The following ULK4 variants were observed in gnomAD, a reference collection of about 807,000 sequenced individuals.
ULK4 encodes inactive serine/threonine-protein kinase ULK4.
In ULK4, 133 loss-of-function variants were observed where a neutral mutation model predicts 160.6. The observed-to-expected ratio is 0.83, with a 90% confidence interval of 0.72 to 0.96. ULK4 has a LOEUF of 0.96. ULK4 is among the 40% of genes least tolerant of loss of function. The pLI, the probability that ULK4 is intolerant of heterozygous loss-of-function variation, is 0.00. For synonymous variants in ULK4, 534 were observed against 539.8 expected, an observed-to-expected ratio of 0.99 and a Z score of 0.15; for missense variants, 1,580 against 1,499.5, an observed-to-expected ratio of 1.05 and a Z score of -0.89.
intron 34 of ULK4, among the ~76,000 whole-genome samples, chr3:41,444,666 T>C (rs1018222164): frequency 2.0e-5 from 3 of 152,134 alleles, no homozygotes; most frequent in African/African-American, 7.2e-5. Context: ...ATTCTTATCC[T>C]ACATTTAAAA....
At position 41,715,522 on chromosome 3, in the gene ULK4, T is replaced by C. The variant is rs747151198; in HGVS notation, c.2502A>G (p.Pro834=). ...SLANVSGRKH[P]STVQVKQLKL... Reference sequence around the variant, plus strand: ...TCAGCTGTTTCACTTGAACTGTTGATGGGTGTTTACGTCCAGAAACATTAG... The same window carrying C: ...TCAGCTGTTTCACTTGAACTGTTGACGGGTGTTTACGTCCAGAAACATTAG... The change falls in exon 24 of 37, where the codon CCA becomes CCG. Residue 834 remains proline, a synonymous_variant. Coordinates refer to ENST00000301831, the MANE Select transcript of ULK4 (RefSeq NM_017886.4). 9.3e-6 allele frequency: 15 copies of C among 1,614,016 alleles called. No individual in the cohort carries two copies. Among genetic ancestry groups the C allele is most frequent in the Non-Finnish European group, 1.3e-5 (15 of 1,180,012 alleles).
At chr3:41,429,398 C>A (rs186538682) in intron 34 of ULK4, among the ~76,000 whole-genome samples, 1 of 152,208 alleles carries the variant, frequency 6.6e-6, no homozygotes, top group East Asian at 1.9e-4. Context: ...CCTATTACTG[C>A]GTATATACTC....
At chr3:41,622,237 T>C (rs181384122) in intron 30 of ULK4, among the ~76,000 whole-genome samples, 1 of 151,908 alleles carries the variant, frequency 6.6e-6, no homozygotes, top group African/African-American at 2.4e-5. Flanking sequence ...GAAATACCAT[T>C]TGACCCATTT....
chr3:41,588,992 C>A, intron 31 of ULK4, among the ~76,000 whole-genome samples: 1 of 152,030 alleles, frequency 6.6e-6, no homozygotes, highest in Non-Finnish European at 1.5e-5. Flanking sequence ...TTGTTATTAA[C>A]ATTCTGGAAG....
rs538877117 is a variant in ULK4, at chr3:41,532,974, A to T, written c.3226+33051T>A. 1.5e-4 allele frequency among the ~76,000 whole-genome samples: 23 copies of T among 152,374 alleles called. No homozygotes were observed. In the East Asian group the frequency reaches 1.7e-3, roughly 11 times the overall value. Reference sequence around the variant, plus strand: ...CAACCAATAAAATGTGATGAAATTAACATGAGATTTCCAAGCCTAGGCAGC... The same window carrying T: ...CAACCAATAAAATGTGATGAAATTATCATGAGATTTCCAAGCCTAGGCAGC... On this transcript the variant is annotated intron_variant, in intron 32 of 36. Coordinates refer to ENST00000301831, the MANE Select transcript of ULK4 (RefSeq NM_017886.4).
chr3:41,470,900 A>G lies in ULK4; in HGVS notation c.3227-7647T>C, dbSNP rs1334287688. Among the ~76,000 whole-genome samples, 3 of 152,278 alleles carry G rather than the reference A, an allele frequency of 2.0e-5. No homozygotes were observed. In the East Asian group the frequency reaches 5.8e-4, roughly 29 times the overall value. On this transcript the variant is annotated intron_variant, in intron 32 of 36. Coordinates refer to ENST00000301831, the MANE Select transcript of ULK4 (RefSeq NM_017886.4). ...TCACTATAGAAAACCATCAAACTGC[A>G]AAGGAAGACAAGAGAGGAAGAAAGA...
intron 32 of ULK4, among the ~76,000 whole-genome samples, chr3:41,564,182 C>T (rs2087703930): frequency 6.6e-6 from 1 of 152,268 alleles, no homozygotes; most frequent in African/African-American, 2.4e-5. Context: ...GCCTGGGTAT[C>T]ACCAGCGGAG....
intron 30 of ULK4, among the ~76,000 whole-genome samples, chr3:41,646,706 G>A (rs1307867994): frequency 2.3e-4 from 35 of 152,080 alleles, no homozygotes; most frequent in African/African-American, 4.3e-4. Flanking sequence ...TCTTTGTGGC[G>A]TTCTCTGTAT....
intron 27 of ULK4, among the ~76,000 whole-genome samples, chr3:41,683,162 A>G (rs1369312275): frequency 1.3e-5 from 2 of 151,986 alleles, no homozygotes; most frequent in Non-Finnish European, 1.5e-5. Flanking sequence ...TAGTCATGCT[A>G]TATTGTTCCA....
chr3:41,503,996 A>T (rs532884649), intron 32 of ULK4, among the ~76,000 whole-genome samples: 1 of 152,096 alleles, frequency 6.6e-6, no homozygotes, highest in Non-Finnish European at 1.5e-5. Flanking sequence ...AAAACAAAGC[A>T]AACAAAACAA....
rs1167841681 is a variant in ULK4 at position 41,809,166 on chromosome 3, AAAAAAAAAAC to A, written c.1849-8883_1849-8874del. On this transcript the variant is annotated intron_variant, in intron 19 of 36. Coordinates refer to ENST00000301831, the MANE Select transcript of ULK4 (RefSeq NM_017886.4). ...GTGCAACAGAGCAAGACTCCGTCTC[AAAAAAAAAAC>A]AAAAAAAAAAACAAAAAAAAACAAA... 3.9e-3 allele frequency among the ~76,000 whole-genome samples: 316 copies of A among 80,156 alleles called. 1 individual carries two copies. The highest frequency in any genetic ancestry group is 9.1e-3 in the Non-Finnish European group (266 of 29,186). 52.6% of individuals were successfully genotyped at this position (80,156 alleles called of 152,430 possible). A position where few individuals can be genotyped will look rare whatever the true frequency, so the allele number is the denominator to read the frequency against.
chr3:41,690,709 T>A (rs2036268355), intron 27 of ULK4, among the ~76,000 whole-genome samples: 1 of 151,802 alleles, frequency 6.6e-6, no homozygotes, highest in Non-Finnish European at 1.5e-5. Context: ...CAGTCCTACC[T>A]ACAAAAGAAA....
intron 34 of ULK4, among the ~76,000 whole-genome samples, chr3:41,443,909 C>T (rs1163342737): frequency 3.3e-5 from 5 of 151,588 alleles, no homozygotes; most frequent in Admixed American, 6.6e-5. Context: ...CAATATCTAC[C>T]CTAAGAATCT....
chr3:41,471,934 C>CA (rs201968512), intron 32 of ULK4, among the ~76,000 whole-genome samples: 5,375 of 130,968 alleles, frequency 0.041, 234 homozygotes, highest in African/African-American at 0.11. Context: ...TGTTATATCT[C>CA]AAAAAAAAAA....
chr3:41,463,785 G>A (rs942072934), intron 32 of ULK4, among the ~76,000 whole-genome samples: 3 of 152,084 alleles, frequency 2.0e-5, no homozygotes, highest in Non-Finnish European at 4.4e-5. Context: ...AGTGTGGTTG[G>A]TCTTTACTGA....
At chr3:41,655,637 T>C (rs1303421455) in intron 30 of ULK4, among the ~76,000 whole-genome samples, 1 of 151,666 alleles carries the variant, frequency 6.6e-6, no homozygotes, top group Non-Finnish European at 1.5e-5. Context: ...GGGCTTGGAG[T>C]TCAAGGCTGC....
chr3:41,842,343 C>A (rs1350008563), intron 17 of ULK4, among the ~76,000 whole-genome samples: 2 of 152,106 alleles, frequency 1.3e-5, no homozygotes, highest in African/African-American at 4.8e-5. Context: ...TGCAATTATT[C>A]TACCTGGTTT....
chr3:41,391,473 G>C (rs1279679894), intron 35 of ULK4, among the ~76,000 whole-genome samples: 3 of 151,818 alleles, frequency 2.0e-5, no homozygotes, highest in African/African-American at 7.3e-5. Context: ...AGACAGGAGG[G>C]AGAGAGGTAT....
At chr3:41,731,330 T>C (rs925884315) in intron 22 of ULK4, among the ~76,000 whole-genome samples, 2 of 152,060 alleles carry the variant, frequency 1.3e-5, no homozygotes, top group Non-Finnish European at 2.9e-5. Flanking sequence ...CAGTAAAGCA[T>C]TTCTATATAT....
Sources: gnomAD v4.1 joint callset for allele counts (sites outside exome capture counted in the v4.1 genomes callset) on GRCh38, gnomAD v4.1.1 for gene constraint, MANE v1.5 for transcripts, NCBI Gene and HGNC (gene_info 2026-07-23, HGNC 2026-07-21) for gene names.